INPP4B: variants seen among roughly 807,000 people sequenced by gnomAD.
INPP4B encodes the protein inositol polyphosphate-4-phosphatase type II B.
In INPP4B, 55 loss-of-function variants were observed where a neutral mutation model predicts 122.5. The ratio of observed to expected loss-of-function variants is 0.45; its 90% CI spans 0.36 to 0.56. The LOEUF (loss-of-function observed/expected upper bound fraction) is 0.56, where lower values mean the gene tolerates loss of function less well. Among genes scored for constraint, INPP4B ranks in the 20% least tolerant of loss-of-function variants. INPP4B has a pLI of 0.00. For missense variants in INPP4B, 1,000 were observed against 1,097.7 expected (o/e 0.91, Z 1.26); for synonymous variants, 403 against 388.7 (o/e 1.04, Z -0.43).
At chr4:142,796,868 ATGTGTGTGTGTGTGTGTGTG>A (rs34860975) in intron 1 of INPP4B, among the ~76,000 whole-genome samples, 8 of 105,294 alleles carry the variant, frequency 7.6e-5, no homozygotes, top group Non-Finnish European at 1.1e-4. Flanking sequence ...CGGAAAACAG[ATGTGTGTGTGTGTGTGTGTG>A]TGTGTGTGTG....
chr4:142,760,413 A>G (rs1771158345), intron 1 of INPP4B, among the ~76,000 whole-genome samples: 1 of 152,154 alleles, frequency 6.6e-6, no homozygotes, highest in Non-Finnish European at 1.5e-5. Flanking sequence ...TTATCGTAAA[A>G]GGTTATTGTT....
At chr4:142,118,254 A>C (rs1313978397) in intron 21 of INPP4B, among the ~76,000 whole-genome samples, 5 of 152,192 alleles carry the variant, frequency 3.3e-5, no homozygotes, top group Admixed American at 2.0e-4. Context: ...AACCCCATCA[A>C]GCTACCAATG....
At chr4:142,192,354 A>AAAAAAAAAAAG (rs148371542) in intron 15 of INPP4B, among the ~76,000 whole-genome samples, 3,790 of 72,970 alleles carry the variant, frequency 0.052, 1,051 homozygotes, top group Non-Finnish European at 0.075. Context: ...AAAAAAAAAA[A>AAAAAAAAAAAG]TGGGATTCTT....
intron 2 of INPP4B, among the ~76,000 whole-genome samples, chr4:142,579,879 G>GTAGA (rs34007661): frequency 0.079 from 11,263 of 142,424 alleles, 509 homozygotes; most frequent in East Asian, 0.11. Flanking sequence ...AGATAGGTAG[G>GTAGA]TAGATAGATA....
At chr4:142,119,064 A>G (rs2152737499) in intron 21 of INPP4B, among the ~76,000 whole-genome samples, 1 of 152,356 alleles carries the variant, frequency 6.6e-6, no homozygotes, top group East Asian at 1.9e-4. Flanking sequence ...ATCACTGGCC[A>G]TCAGAGAAAT....
intron 3 of INPP4B, among the ~76,000 whole-genome samples, chr4:142,444,151 G>T (rs2149462095): frequency 6.6e-6 from 1 of 152,264 alleles, no homozygotes; most frequent in Middle Eastern, 3.4e-3. Flanking sequence ...CCTTTGACAG[G>T]CTAACCAGTA....
At chr4:142,717,467 C>T (rs1763927397) in intron 2 of INPP4B, among the ~76,000 whole-genome samples, 1 of 152,114 alleles carries the variant, frequency 6.6e-6, no homozygotes, top group Non-Finnish European at 1.5e-5. Flanking sequence ...GTCTGGGATT[C>T]GAACCCAAAC....
chr4:142,332,396 T>C (rs987319187), intron 7 of INPP4B, among the ~76,000 whole-genome samples: 7 of 152,050 alleles, frequency 4.6e-5, no homozygotes, highest in Non-Finnish European at 8.8e-5. Context: ...GGCATATCAA[T>C]ATTCATGAAA....
intron 5 of INPP4B, chr4:142,427,446 C>T: frequency 4.5e-6 from 3 of 663,514 alleles, no homozygotes; most frequent in Non-Finnish European, 8.2e-6. Context: ...TAAATTCTTG[C>T]AGCTGCTAAT....
At chr4:142,521,627 T>C (rs1353288121) in intron 2 of INPP4B, among the ~76,000 whole-genome samples, 1 of 152,070 alleles carries the variant, frequency 6.6e-6, no homozygotes, top group East Asian at 1.9e-4. Context: ...CCCTTTTGTT[T>C]CCTTCTTCCT....
intron 7 of INPP4B, among the ~76,000 whole-genome samples, chr4:142,354,189 C>A (rs139199684): frequency 5.3e-5 from 8 of 152,108 alleles, no homozygotes; most frequent in Admixed American, 3.3e-4. Context: ...TTTTATCTAG[C>A]ATATTGGGTA....
At chr4:142,229,877 ACTG>A (rs1853406353) in intron 12 of INPP4B, among the ~76,000 whole-genome samples, 2 of 152,210 alleles carry the variant, frequency 1.3e-5, no homozygotes, top group African/African-American at 4.8e-5. Context: ...ATTCTAAATT[ACTG>A]CTAATTTTTC....
chr4:142,786,054 C>A (rs1015825269), intron 1 of INPP4B, among the ~76,000 whole-genome samples: 1 of 152,016 alleles, frequency 6.6e-6, no homozygotes, highest in Non-Finnish European at 1.5e-5. Flanking sequence ...AAACATATTT[C>A]TTTTTTCTGT....
At chr4:142,630,092 G>T (rs1346100728) in intron 2 of INPP4B, among the ~76,000 whole-genome samples, 1 of 152,064 alleles carries the variant, frequency 6.6e-6, no homozygotes, top group African/African-American at 2.4e-5. Flanking sequence ...CAATATGTAA[G>T]CCCAACGCGA....
chr4:142,768,060 GCAC>G (rs1269656607), intron 1 of INPP4B: 3 of 152,166 alleles, frequency 2.0e-5, no homozygotes, highest in Non-Finnish European at 4.4e-5. Flanking sequence ...GTGACACAGG[GCAC>G]TGGAAGCATT....
chr4:142,256,534 T>A (rs1736184277), intron 11 of INPP4B, among the ~76,000 whole-genome samples: 1 of 151,948 alleles, frequency 6.6e-6, no homozygotes, highest in African/African-American at 2.4e-5. Context: ...TCACCACCGA[T>A]CCCACAGAAA....
intron 5 of INPP4B, among the ~76,000 whole-genome samples, chr4:142,407,622 C>T (rs1358756316): frequency 6.6e-6 from 1 of 152,112 alleles, no homozygotes; most frequent in Non-Finnish European, 1.5e-5. Flanking sequence ...TACATCTTGT[C>T]AGGAAAACAA....
chr4:142,432,959 A>T (rs2149384886), intron 3 of INPP4B, among the ~76,000 whole-genome samples: 1 of 152,322 alleles, frequency 6.6e-6, no homozygotes, highest in African/African-American at 2.4e-5. Flanking sequence ...AGACTGACGT[A>T]AGATGTCTAC....
intron 3 of INPP4B, among the ~76,000 whole-genome samples, chr4:142,450,387 T>C (rs1273014680): frequency 1.3e-5 from 2 of 152,228 alleles, no homozygotes; most frequent in African/African-American, 4.8e-5. Context: ...TAGGACACGC[T>C]GCAGTTCAAA....
Sources: allele counts gnomAD v4.1 joint callset (sites outside exome capture counted in the v4.1 genomes callset), GRCh38; gene constraint gnomAD v4.1.1; transcripts MANE v1.5; gene names NCBI Gene and HGNC (gene_info 2026-07-23, HGNC 2026-07-21).